Variants in MAMDC2 observed in about 807,000 individuals in gnomAD.
MAMDC2 encodes the protein MAM domain containing 2.
A neutral mutation model predicts 89.8 loss-of-function variants in MAMDC2; 57 were observed. The ratio of observed to expected loss-of-function variants is 0.63; its 90% CI spans 0.51 to 0.79. The LOEUF (loss-of-function observed/expected upper bound fraction) is 0.79. MAMDC2 is among the 30% of genes least tolerant of loss of function. The pLI, the probability that MAMDC2 is intolerant of heterozygous loss-of-function variation, is 0.00. For missense variants in MAMDC2, 800 were observed against 820.6 expected, an observed-to-expected ratio of 0.97 and a Z score of 0.31; for synonymous variants, 313 against 293.4, an observed-to-expected ratio of 1.07 and a Z score of -0.68.
chr9:70,062,961 G>A (rs1827182049), intron 2 of MAMDC2: 1 of 152,176 alleles, frequency 6.6e-6, no homozygotes, highest in Non-Finnish European at 1.5e-5. Context: ...ATGGAGCATC[G>A]GTTATGGTGA....
intron 11 of MAMDC2, among the ~76,000 whole-genome samples, chr9:70,175,513 T>C (rs2032471163): frequency 4.3e-5 from 1 of 23,462 alleles, no homozygotes; most frequent in Non-Finnish European, 1.2e-4. Flanking sequence ...TCTTATTTTA[T>C]TATTCCTTGT....
At chr9:70,098,774 G>T (rs1236722552) in intron 2 of MAMDC2, among the ~76,000 whole-genome samples, 1 of 152,104 alleles carries the variant, frequency 6.6e-6, no homozygotes, top group Non-Finnish European at 1.5e-5. Context: ...GCCTCAGCTT[G>T]GTTTACTAGC....
At chr9:70,188,926 GA>G (rs2032820651) in intron 11 of MAMDC2, among the ~76,000 whole-genome samples, 6 of 151,868 alleles carry the variant, frequency 4.0e-5, no homozygotes, top group Non-Finnish European at 8.8e-5. Flanking sequence ...CTTGACTTAA[GA>G]TAATCTAGTT....
rs1304241403 is a variant in MAMDC2, at chr9:70,108,431, C to G, written c.369C>G (p.Asp123Glu). 2 of 1,612,582 alleles carry G rather than the reference C, an allele frequency of 1.2e-6. No homozygotes were observed. Among genetic ancestry groups the G allele is most frequent in the Non-Finnish European group, 8.5e-7 (1 of 1,179,542 alleles). Residue 123 changes from aspartate to glutamate, a missense_variant, in exon 3 of 14, where the codon GAC becomes GAG. Coordinates refer to ENST00000377182, the MANE Select transcript of MAMDC2 (RefSeq NM_153267.5). The stretch of plus-strand genomic sequence containing the variant: ...TTTGGTCAGCTAAGGAACCTTCAGA[C>G]AGCTGGCTCATAGCCAGCTTGGATT... ...RLLWSAKEPS[D>E]SWLIASLDLQ...
At chr9:70,099,545 T>G (rs1002524353) in intron 2 of MAMDC2, among the ~76,000 whole-genome samples, 4 of 152,180 alleles carry the variant, frequency 2.6e-5, no homozygotes, top group Non-Finnish European at 5.9e-5. Context: ...CTGCTTTGAT[T>G]ATCTAGTAGA....
intron 11 of MAMDC2, among the ~76,000 whole-genome samples, chr9:70,184,198 G>A (rs973282152): frequency 3.9e-5 from 6 of 152,078 alleles, no homozygotes; most frequent in Non-Finnish European, 7.4e-5. Context: ...TAAGAATGTT[G>A]CATATTGGTC....
rs2031627707 is a variant in MAMDC2, at chr9:70,152,865, A to G, written c.1404+9046A>G. On this transcript the variant is annotated intron_variant, in intron 9 of 13. Coordinates refer to ENST00000377182, the MANE Select transcript of MAMDC2 (RefSeq NM_153267.5). ...AAAGCTCAAAGGCAATGCATCATAT[A>G]AAGTTCTTAGCATATAAAGTTCTTA... Among the ~76,000 whole-genome samples, 5 of 152,128 alleles carry G rather than the reference A, an allele frequency of 3.3e-5. No homozygotes were observed. The South Asian group carries it at 1.0e-3, about 32-fold the overall frequency.
At position 70,126,295 on chromosome 9, in the gene MAMDC2, C is replaced by A. The variant is rs2030543357; in HGVS notation, c.780C>A (p.Val260=). 13 of 1,614,180 alleles carry A rather than the reference C, an allele frequency of 8.1e-6. No homozygotes were observed. The highest frequency in any genetic ancestry group is 9.3e-6 in the Non-Finnish European group (11 of 1,180,022). ...AGATCCAGCAGGGGAATGACAATGT[C>A]TTTTCCCTTTACACTCGGGATGTGG... is the stretch of plus-strand genomic sequence containing the variant. ...YYQIQQGNDN[V]FSLYTRDVAG... The change falls in exon 6 of 14, where the codon GTC becomes GTA. Residue 260 remains valine (V), a synonymous_variant. Coordinates refer to ENST00000377182, the MANE Select transcript of MAMDC2 (RefSeq NM_153267.5).
rs774118696 is a variant in MAMDC2, at chr9:70,218,414, G to C, written c.1729G>C (p.Val577Leu). 1 of 1,614,220 alleles carries C rather than the reference G, an allele frequency of 6.2e-7. No individual in the cohort carries two copies. The highest frequency in any genetic ancestry group is 8.5e-7 in the Non-Finnish European group (1 of 1,180,038). Residue 577 changes from valine to leucine, a missense_variant, in exon 12 of 14, where the codon GTC becomes CTC. Physicochemically the swap from Val to Leu is conservative, Grantham distance 32. Transcript: ENST00000377182. ...ARLLSRPLRG[V>L]SGKHCLTFFY... ...CCTCTTGTCCAGGCCTCTGCGAGGA[G>C]TCTCTGGAAAACACTGCTTGACCTT...
intron 11 of MAMDC2, among the ~76,000 whole-genome samples, chr9:70,198,964 T>C (rs2033036235): frequency 1.3e-5 from 2 of 152,134 alleles, no homozygotes; most frequent in South Asian, 2.1e-4. Flanking sequence ...AGGAATGCTA[T>C]CCAGTGAGTC....
intron 2 of MAMDC2, among the ~76,000 whole-genome samples, chr9:70,053,110 C>T (rs994098594): frequency 2.0e-5 from 3 of 152,338 alleles, no homozygotes; most frequent in South Asian, 4.1e-4. Context: ...ATGTCCATAG[C>T]ACCCACCTTG....
At chr9:70,096,827 T>C (rs1357402658) in intron 2 of MAMDC2, among the ~76,000 whole-genome samples, 1 of 151,722 alleles carries the variant, frequency 6.6e-6, no homozygotes, top group African/African-American at 2.4e-5. Context: ...GGCAAAACTA[T>C]TAAAGGGGGG....
chr9:70,093,864 A>G (rs1827965547), intron 2 of MAMDC2: 1 of 152,180 alleles, frequency 6.6e-6, no homozygotes, highest in Non-Finnish European at 1.5e-5. Flanking sequence ...GCCTTTTCTT[A>G]TATTTTCATC....
At chr9:70,185,614 C>T (rs2032737783) in intron 11 of MAMDC2, among the ~76,000 whole-genome samples, 1 of 152,158 alleles carries the variant, frequency 6.6e-6, no homozygotes, top group African/African-American at 2.4e-5. Context: ...GCAGTCTGGC[C>T]ACAACCGCTT....
At chr9:70,146,109 G>A (rs2031397231) in intron 9 of MAMDC2, among the ~76,000 whole-genome samples, 1 of 152,146 alleles carries the variant, frequency 6.6e-6, no homozygotes. Context: ...AACAACATGA[G>A]TTGTTTAGGA....
intron 2 of MAMDC2, among the ~76,000 whole-genome samples, chr9:70,051,769 C>G (rs1044214743): frequency 6.6e-6 from 1 of 152,090 alleles, no homozygotes; most frequent in African/African-American, 2.4e-5. Context: ...TTCAATTTTT[C>G]TTATGCTTTT....
rs955177586 is a variant in MAMDC2 at position 70,059,898 on chromosome 9, G to T, written c.148+15201G>T. ...TTCACTGATGAATTAAATAGGTAAG[G>T]GTGTGCACTAGTGTCATTTCCTATG... On this transcript the variant is annotated intron_variant, in intron 2 of 13. Coordinates refer to ENST00000377182, the MANE Select transcript of MAMDC2 (RefSeq NM_153267.5). 6.6e-5 allele frequency among the ~76,000 whole-genome samples: 10 copies of T among 152,214 alleles called. No individual in the cohort carries two copies. In the East Asian group the frequency reaches 1.9e-3, roughly 29 times the overall value.
chr9:70,049,113 A>G (rs1826828215), intron 2 of MAMDC2, among the ~76,000 whole-genome samples: 1 of 152,098 alleles, frequency 6.6e-6, no homozygotes, highest in African/African-American at 2.4e-5. Context: ...GGTTTGAGAA[A>G]TCGCCTAATA....
At chr9:70,140,431 T>A in intron 8 of MAMDC2, 143 bp downstream of exon 8, 1 of 857,328 alleles carries the variant, frequency 1.2e-6, no homozygotes, top group Admixed American at 3.5e-5. Context: ...GTCTTGTGTT[T>A]GACCATTTTT....
Sources: allele counts gnomAD v4.1 joint callset (sites outside exome capture counted in the v4.1 genomes callset), GRCh38; gene constraint gnomAD v4.1.1; transcripts MANE v1.5; gene names NCBI Gene and HGNC (gene_info 2026-07-23, HGNC 2026-07-21).